LRRK1: variants seen among roughly 807,000 people sequenced by gnomAD.
The protein encoded by LRRK1 is leucine-rich repeat serine/threonine-protein kinase 1.
LRRK1 carries 113 observed loss-of-function variants against 209.1 expected under a neutral mutation model. The observed-to-expected ratio is 0.54, with a 90% CI of 0.46 to 0.63. The LOEUF (loss-of-function observed/expected upper bound fraction) is 0.63, where lower values mean the gene tolerates loss of function less well. Among genes scored for constraint, LRRK1 ranks in the 30% least tolerant of loss-of-function variants. LRRK1 has a pLI of 0.00. For synonymous variants in LRRK1, 1,144 were observed against 1,099.7 expected (o/e 1.04, Z -0.80); for missense variants, 2,284 against 2,632.2 (o/e 0.87, Z 2.89).
intron 2 of LRRK1, among the ~76,000 whole-genome samples, chr15:100,964,175 G>A (rs1219341592): frequency 6.6e-6 from 1 of 152,064 alleles, no homozygotes; most frequent in East Asian, 1.9e-4. Context: ...CTGGGTGATG[G>A]GTGCAATGGC....
chr15:101,076,237 C>G lies in LRRK1; in HGVS notation c.*7389C>G, dbSNP rs1426952577. ...TTTTAGAGGCCCTCAAAATCACAAA[C>G]TATGCTCAACTCACTCTCTACAGTT... On this transcript the variant is annotated 3_prime_UTR_variant, in exon 34 of 34. Coordinates refer to ENST00000388948, the MANE Select transcript of LRRK1 (RefSeq NM_024652.6). The G allele has an allele frequency of 1.3e-5, 2 of 152,228 alleles. No homozygotes were observed. Among genetic ancestry groups the G allele is most frequent in the South Asian group, 2.1e-4 (1 of 4,830 alleles). 9.4% of individuals were successfully genotyped at this position (152,228 alleles called of 1,614,324 possible). A position where few individuals can be genotyped will look rare whatever the true frequency, so the allele number is the denominator to read the frequency against.
intron 1 of LRRK1, among the ~76,000 whole-genome samples, chr15:100,924,237 G>A (rs2042068993): frequency 1.3e-5 from 2 of 152,180 alleles, no homozygotes; most frequent in Admixed American, 6.5e-5. Context: ...TGCGTTGACT[G>A]AACAATGATT....
chr15:101,059,693 A>G (rs1457061455), intron 29 of LRRK1, among the ~76,000 whole-genome samples: 1 of 152,180 alleles, frequency 6.6e-6, no homozygotes, highest in Non-Finnish European at 1.5e-5. Flanking sequence ...ACATAGTTGA[A>G]AAATAAACAC....
intron 12 of LRRK1, among the ~76,000 whole-genome samples, chr15:101,015,836 C>T (rs909186912): frequency 2.0e-5 from 3 of 152,170 alleles, no homozygotes; most frequent in Non-Finnish European, 4.4e-5. Flanking sequence ...GCTTCAGCAG[C>T]AGACACTTAT....
chr15:101,043,240 C>T (rs1002145343), intron 20 of LRRK1, among the ~76,000 whole-genome samples: 1 of 152,220 alleles, frequency 6.6e-6, no homozygotes, highest in African/African-American at 2.4e-5. Flanking sequence ...GCCAGAGACC[C>T]GGCCACCTGG....
intron 2 of LRRK1, among the ~76,000 whole-genome samples, chr15:100,936,917 C>T (rs1344615707): frequency 6.6e-6 from 1 of 152,194 alleles, no homozygotes; most frequent in East Asian, 1.9e-4. Context: ...CTATGCCAGT[C>T]TTTTTGCATC....
chr15:100,962,824 T>TATATA (rs1555461505), intron 2 of LRRK1, among the ~76,000 whole-genome samples: 1 of 8,444 alleles, frequency 1.2e-4, no homozygotes, highest in Non-Finnish European at 2.8e-4. Flanking sequence ...TATATATATA[T>TATATA]TTTTTTTTTT....
chr15:101,021,993 T>C (rs1231395208), intron 14 of LRRK1, 36 bp downstream of exon 14: 3 of 1,461,916 alleles, frequency 2.1e-6, no homozygotes, highest in Non-Finnish European at 1.9e-6. Flanking sequence ...TGCCATCACC[T>C]CTTGGAAAGA....
chr15:100,956,874 G>A (rs2042777673), intron 2 of LRRK1, among the ~76,000 whole-genome samples: 1 of 152,166 alleles, frequency 6.6e-6, no homozygotes, highest in Non-Finnish European at 1.5e-5. Context: ...TCCTTAAAGT[G>A]TAAAGTTAGT....
chr15:100,961,143 G>A (rs1394076019), intron 2 of LRRK1, among the ~76,000 whole-genome samples: 3 of 152,324 alleles, frequency 2.0e-5, no homozygotes, highest in East Asian at 3.9e-4. Context: ...GGGACTGGCT[G>A]CAGAGTCCTG....
intron 21 of LRRK1, among the ~76,000 whole-genome samples, chr15:101,046,955 C>G (rs1389500589): frequency 6.6e-6 from 1 of 152,184 alleles, no homozygotes; most frequent in African/African-American, 2.4e-5. Context: ...GCAAAATCAG[C>G]CTCACCTGGG....
intron 15 of LRRK1, among the ~76,000 whole-genome samples, chr15:101,023,576 C>G (rs779699104): frequency 6.6e-6 from 1 of 152,132 alleles, no homozygotes; most frequent in African/African-American, 2.4e-5. Context: ...TGTGATTCCT[C>G]GGGATCCAAG....
chr15:101,048,384 A>G, intron 21 of LRRK1, 110 bp from the exon 22 acceptor site: 1 of 923,142 alleles, frequency 1.1e-6, no homozygotes, highest in Non-Finnish European at 1.6e-6. Flanking sequence ...AGGGTGGGAA[A>G]GATGGGGGAC....
intron 2 of LRRK1, among the ~76,000 whole-genome samples, chr15:100,956,433 G>T (rs1339302406): frequency 1.2e-4 from 6 of 50,524 alleles, no homozygotes; most frequent in East Asian, 6.1e-4. Context: ...TCTTACTTTC[G>T]CTTTTCTTTC....
chr15:101,001,054 G>A (rs972190163), intron 6 of LRRK1, among the ~76,000 whole-genome samples: 4 of 152,174 alleles, frequency 2.6e-5, no homozygotes, highest in African/African-American at 9.7e-5. Flanking sequence ...AGGAACTTGA[G>A]AAGTAGGTGT....
At chr15:101,009,461 G>A (rs748987526) in intron 7 of LRRK1, among the ~76,000 whole-genome samples, 2 of 152,220 alleles carry the variant, frequency 1.3e-5, no homozygotes, top group African/African-American at 2.4e-5. Flanking sequence ...GCAGGACTCT[G>A]GCAGCAGGTG....
At chr15:100,936,878 C>A (rs367962833) in intron 2 of LRRK1, among the ~76,000 whole-genome samples, 1 of 152,242 alleles carries the variant, frequency 6.6e-6, no homozygotes, top group African/African-American at 2.4e-5. Context: ...AGTTTCCATA[C>A]TAAAAATGTT....
At chr15:101,037,337 C>T (rs1476001883) in intron 20 of LRRK1, among the ~76,000 whole-genome samples, 2 of 152,178 alleles carry the variant, frequency 1.3e-5, no homozygotes, top group Admixed American at 6.5e-5. Flanking sequence ...TAGGCCCAAC[C>T]TTAGGCCCTC....
intron 2 of LRRK1, among the ~76,000 whole-genome samples, chr15:100,944,486 CA>C (rs2042500982): frequency 6.6e-6 from 1 of 152,218 alleles, no homozygotes; most frequent in South Asian, 2.1e-4. Context: ...GGGTTTGTGG[CA>C]TTTGCTTTAA....
Sources: gnomAD v4.1 joint callset for allele counts (sites outside exome capture counted in the v4.1 genomes callset) on GRCh38, gnomAD v4.1.1 for gene constraint, MANE v1.5 for transcripts, NCBI Gene and HGNC (gene_info 2026-07-23, HGNC 2026-07-21) for gene names.